Variants in XKR4 observed in about 807,000 individuals in gnomAD.
XKR4 encodes XK related 4, also known as XK-related protein 4.
Under a neutral mutation model 53.9 loss-of-function variants are expected in XKR4, and 12 were observed. That is an observed-to-expected ratio of 0.22 (90% CI 0.14 to 0.36). The LOEUF is 0.36. Ranked by LOEUF, XKR4 falls within the 10% of genes least tolerant of loss-of-function variation. XKR4 has a pLI of 1.00. For missense variants in XKR4, 799 were observed against 859.5 expected, an observed-to-expected ratio of 0.93 and a Z score of 0.88; for synonymous variants, 354 against 362.4, an observed-to-expected ratio of 0.98 and a Z score of 0.26.
At position 55,279,027 on chromosome 8, in the gene XKR4, C is replaced by G. The variant is rs1194009151; in HGVS notation, c.807-78651C>G. Among the ~76,000 whole-genome samples the G allele has an allele frequency of 1.1e-4, 17 of 152,210 alleles. No homozygotes were observed. The South Asian group carries it at 2.9e-3, about 26-fold the overall frequency. On this transcript the variant is annotated intron_variant, in intron 1 of 2. Coordinates refer to ENST00000327381, the MANE Select transcript of XKR4 (RefSeq NM_052898.2). The stretch of plus-strand genomic sequence containing the variant: ...TTATTATTTGAGAACCTATTGTGTC[C>G]AAAAAGATGAATTCATTTTTCTTTT...
intron 2 of XKR4, among the ~76,000 whole-genome samples, chr8:55,434,571 C>T (rs1391079363): frequency 3.3e-5 from 5 of 152,108 alleles, no homozygotes; most frequent in African/African-American, 9.7e-5. Context: ...AGCTACACCT[C>T]ATTAACATGC....
At chr8:55,252,511 G>C (rs1277548351) in intron 1 of XKR4, among the ~76,000 whole-genome samples, 1 of 152,170 alleles carries the variant, frequency 6.6e-6, no homozygotes, top group Admixed American at 6.5e-5. Flanking sequence ...ACCAACACAA[G>C]ACGCCGCCCG....
chr8:55,247,855 C>CTTTTTT (rs1166258777), intron 1 of XKR4, among the ~76,000 whole-genome samples: 7 of 59,882 alleles, frequency 1.2e-4, no homozygotes, highest in South Asian at 4.8e-4. Context: ...TTCTTTCTTT[C>CTTTTTT]TTTTTTTTTT....
rs1023564012 is a variant in XKR4, at chr8:55,451,753, C to T, written c.1007-71528C>T. On this transcript the variant is annotated intron_variant, in intron 2 of 2. Coordinates refer to ENST00000327381, the MANE Select transcript of XKR4 (RefSeq NM_052898.2). ...GCGGAAGGATTCAGACTTGGCCCGG[C>T]TCAGGCGGCTGCTCAGGGGGCCCAG... The T allele has an allele frequency of 6.1e-6, 7 of 1,147,044 alleles. No homozygotes were observed. In the African/African-American group the frequency reaches 9.0e-5, roughly 15 times the overall value. The allele number at this position is 1,147,044 out of a possible 1,614,324, so 71.1% of individuals were successfully genotyped here.
chr8:55,143,808 G>A (rs538602494), intron 1 of XKR4, among the ~76,000 whole-genome samples: 11 of 152,336 alleles, frequency 7.2e-5, no homozygotes, highest in Middle Eastern at 3.4e-3. Flanking sequence ...GGGCATGTCA[G>A]TACACTAAGC....
chr8:55,284,522 A>G (rs1425475293), intron 1 of XKR4, among the ~76,000 whole-genome samples: 1 of 152,140 alleles, frequency 6.6e-6, no homozygotes, highest in Non-Finnish European at 1.5e-5. Context: ...GGCTGTTGGC[A>G]AGAGGCCTCA....
At chr8:55,456,388 G>A (rs767322629) in intron 2 of XKR4, among the ~76,000 whole-genome samples, 7 of 151,898 alleles carry the variant, frequency 4.6e-5, no homozygotes, top group African/African-American at 1.2e-4. Flanking sequence ...CTGAGGTTGC[G>A]CCATTGTACT....
At chr8:55,411,748 C>G (rs1179530298) in intron 2 of XKR4, among the ~76,000 whole-genome samples, 1 of 152,104 alleles carries the variant, frequency 6.6e-6, no homozygotes, top group East Asian at 1.9e-4. Flanking sequence ...GTGCCTTTGC[C>G]CTGTCACCAA....
At chr8:55,271,307 T>C (rs1351744850) in intron 1 of XKR4, among the ~76,000 whole-genome samples, 1 of 152,096 alleles carries the variant, frequency 6.6e-6, no homozygotes, top group African/African-American at 2.4e-5. Context: ...CTAAAAAGAA[T>C]GAGAAAGGCA....
intron 1 of XKR4, among the ~76,000 whole-genome samples, chr8:55,314,257 C>T (rs948665353): frequency 2.0e-5 from 3 of 152,148 alleles, no homozygotes; most frequent in Non-Finnish European, 4.4e-5. Flanking sequence ...CAGACAGACA[C>T]CCTGAATTTA....
At chr8:55,256,216 G>A (rs1173378933) in intron 1 of XKR4, among the ~76,000 whole-genome samples, 1 of 152,140 alleles carries the variant, frequency 6.6e-6, no homozygotes, top group Non-Finnish European at 1.5e-5. Context: ...GGCTGAGAAT[G>A]AAGGAAGTTG....
chr8:55,111,414 A>T (rs1020147435), intron 1 of XKR4, among the ~76,000 whole-genome samples: 3 of 152,154 alleles, frequency 2.0e-5, no homozygotes, highest in Admixed American at 2.0e-4. Flanking sequence ...CAGGTGTTCT[A>T]AGACCACTGT....
chr8:55,330,727 A>G (rs1372707935), intron 1 of XKR4, among the ~76,000 whole-genome samples: 1 of 152,102 alleles, frequency 6.6e-6, no homozygotes, highest in African/African-American at 2.4e-5. Context: ...AGTCTCCATG[A>G]TAAGGCTCAT....
intron 1 of XKR4, among the ~76,000 whole-genome samples, chr8:55,133,274 T>C (rs1398472835): frequency 6.6e-6 from 1 of 152,232 alleles, no homozygotes; most frequent in Admixed American, 6.5e-5. Flanking sequence ...GAAAACTTTT[T>C]AAACTGCTCT....
At chr8:55,469,883 G>A (rs1425327848) in intron 2 of XKR4, among the ~76,000 whole-genome samples, 1 of 152,108 alleles carries the variant, frequency 6.6e-6, no homozygotes, top group Non-Finnish European at 1.5e-5. Flanking sequence ...CAACAAACAG[G>A]TTTTAAGTGC....
intron 1 of XKR4, among the ~76,000 whole-genome samples, chr8:55,191,602 G>A (rs1817444519): frequency 6.6e-6 from 1 of 151,822 alleles, no homozygotes; most frequent in African/African-American, 2.4e-5. Flanking sequence ...ATTATGTAAA[G>A]ACACACTGTG....
At chr8:55,472,876 T>TTGC (rs1805911935) in intron 2 of XKR4, among the ~76,000 whole-genome samples, 1 of 151,882 alleles carries the variant, frequency 6.6e-6, no homozygotes. Context: ...AGAAGCGTTG[T>TTGC]CTTATGTTCT....
At chr8:55,321,025 C>T (rs1358757759) in intron 1 of XKR4, among the ~76,000 whole-genome samples, 2 of 152,128 alleles carry the variant, frequency 1.3e-5, no homozygotes, top group Admixed American at 6.5e-5. Flanking sequence ...CAGCCTCCCA[C>T]CACCACACCT....
chr8:55,147,397 G>A lies in XKR4; in HGVS notation c.806+44103G>A, dbSNP rs145740250. On this transcript the variant is annotated intron_variant, in intron 1 of 2. Coordinates refer to ENST00000327381, the MANE Select transcript of XKR4 (RefSeq NM_052898.2). ...CTGAGAATGCTGAAATCACATTAAA[G>A]AGAGGAAAGTCTCTCCTATTTTTAA... is the stretch of plus-strand genomic sequence containing the variant. Among the ~76,000 whole-genome samples the A allele has an allele frequency of 4.3e-3, 648 of 152,332 alleles. 17 individuals are homozygous for A. The highest frequency in any genetic ancestry group is 0.037 in the Admixed American group (561 of 15,296).
Sources: allele counts gnomAD v4.1 joint callset (sites outside exome capture counted in the v4.1 genomes callset), GRCh38; gene constraint gnomAD v4.1.1; transcripts MANE v1.5; gene names NCBI Gene and HGNC (gene_info 2026-07-23, HGNC 2026-07-21).